The following COL19A1 variants were observed in gnomAD, a reference collection of about 807,000 sequenced individuals.
COL19A1 encodes collagen alpha-1(XIX) chain.
A neutral mutation model predicts 190.2 loss-of-function variants in COL19A1; 159 were observed. That is an observed-to-expected ratio of 0.84 (90% CI 0.73 to 0.95). The LOEUF (loss-of-function observed/expected upper bound fraction) is 0.95, where lower values mean the gene tolerates loss of function less well. COL19A1 is among the 40% of genes least tolerant of loss of function. The pLI is 0.00. For synonymous variants in COL19A1, 509 were observed against 458.9 expected, an observed-to-expected ratio of 1.11 and a Z score of -1.39; for missense variants, 1,418 against 1,431.9, an observed-to-expected ratio of 0.99 and a Z score of 0.16.
At chr6:70,152,580 A>T (rs550380632) in intron 31 of COL19A1, among the ~76,000 whole-genome samples, 1 of 152,142 alleles carries the variant, frequency 6.6e-6, no homozygotes, top group Non-Finnish European at 1.5e-5. Flanking sequence ...ATGCCACTCA[A>T]TATGCCACTT....
chr6:70,050,007 C>A (rs1220734655), intron 14 of COL19A1, among the ~76,000 whole-genome samples: 1 of 152,020 alleles, frequency 6.6e-6, no homozygotes, highest in Non-Finnish European at 1.5e-5. Context: ...TTTTAACAAA[C>A]CAAAAACCCA....
intron 12 of COL19A1, among the ~76,000 whole-genome samples, chr6:70,030,277 T>G (rs1778980574): frequency 6.6e-6 from 1 of 152,130 alleles, no homozygotes; most frequent in African/African-American, 2.4e-5. Flanking sequence ...TGGGATTAAT[T>G]TGTTGGAATT....
At chr6:69,945,021 GTTCT>G (rs1773709295) in intron 9 of COL19A1, among the ~76,000 whole-genome samples, 1 of 151,848 alleles carries the variant, frequency 6.6e-6, no homozygotes. Flanking sequence ...TACTTTCTCA[GTTCT>G]TTAAGACCCT....
At chr6:70,060,672 G>A (rs753016716) in intron 14 of COL19A1, among the ~76,000 whole-genome samples, 94 of 152,106 alleles carry the variant, frequency 6.2e-4, no homozygotes, top group Non-Finnish European at 1.2e-3. Flanking sequence ...ATCACCCCTA[G>A]AAGGGACCGT....
chr6:69,890,625 G>A (rs1769279943), intron 2 of COL19A1: 1 of 152,098 alleles, frequency 6.6e-6, no homozygotes, highest in South Asian at 2.1e-4. Flanking sequence ...TAATTTTTTA[G>A]TATAAGTATG....
At chr6:69,880,974 A>C (rs918844599) in intron 2 of COL19A1, among the ~76,000 whole-genome samples, 4 of 152,212 alleles carry the variant, frequency 2.6e-5, no homozygotes, top group African/African-American at 9.6e-5. Flanking sequence ...CTTTGGTTGA[A>C]TAGGGACAGT....
chr6:70,119,818 C>T (rs1342517807), intron 16 of COL19A1, among the ~76,000 whole-genome samples: 7 of 152,200 alleles, frequency 4.6e-5, no homozygotes, highest in Non-Finnish European at 1.0e-4. Flanking sequence ...TGGCCGGGCC[C>T]GCTGGCTCAC....
intron 4 of COL19A1, among the ~76,000 whole-genome samples, chr6:69,912,199 T>C (rs1329006699): frequency 6.6e-6 from 1 of 152,170 alleles, no homozygotes; most frequent in Non-Finnish European, 1.5e-5. Flanking sequence ...CCCTCACTAA[T>C]GTCCTTCAAG....
chr6:70,035,720 T>C (rs1355683511), intron 13 of COL19A1, among the ~76,000 whole-genome samples, 184 bp from the exon 14 acceptor site: 1 of 152,232 alleles, frequency 6.6e-6, no homozygotes, highest in Non-Finnish European at 1.5e-5. Flanking sequence ...GTGATTTTTA[T>C]ATCATGAAAG....
chr6:70,096,102 G>A (rs1582899404), intron 15 of COL19A1, among the ~76,000 whole-genome samples: 2 of 105,398 alleles, frequency 1.9e-5, no homozygotes, highest in East Asian at 3.0e-4. Flanking sequence ...TTTTTTTTGA[G>A]AGAGGGTCTC....
intron 11 of COL19A1, among the ~76,000 whole-genome samples, chr6:69,976,444 C>T (rs1373846890): frequency 6.6e-6 from 1 of 152,122 alleles, no homozygotes; most frequent in Non-Finnish European, 1.5e-5. Flanking sequence ...ATACTGTGTT[C>T]AGCACTAGGG....
intron 48 of COL19A1, among the ~76,000 whole-genome samples, chr6:70,195,136 G>GATATATAT (rs202055762): frequency 0.019 from 2,609 of 135,860 alleles, 32 homozygotes; most frequent in African/African-American, 0.024. Flanking sequence ...CATCATTGAT[G>GATATATAT]ATATATATAT....
intron 11 of COL19A1, among the ~76,000 whole-genome samples, chr6:70,004,834 CTT>C (rs560885333): frequency 4.4e-4 from 62 of 142,180 alleles, no homozygotes; most frequent in Non-Finnish European, 4.6e-4. Flanking sequence ...GCTCAGCGTA[CTT>C]TTTTTTTTTT....
chr6:70,188,118 G>A lies in COL19A1; in HGVS notation c.2900G>A (p.Arg967Gln), dbSNP rs757943951. 28 of 1,613,632 alleles carry A rather than the reference G, an allele frequency of 1.7e-5. No individual in the cohort carries two copies. Among genetic ancestry groups the A allele is most frequent in the Admixed American group, 8.3e-5 (5 of 59,960 alleles). ...GGAGACAGAGGCTCACAAGGTGAAC[G>A]GGGAAAACCAGGCCTTACAGGCATG... ...IPGDRGSQGE[R>Q]GKPGLTGMKG... Residue 967 changes from arginine (R) to glutamine (Q), a missense_variant, in exon 47 of 51, where the codon CGG becomes CAG. Physicochemically the swap from Arg to Gln is conservative, Grantham distance 43. Transcript: ENST00000620364.
In COL19A1 at chr6:69,924,209, C is replaced by T. The variant is rs144948369; in HGVS notation, c.267-3700C>T. Among the ~76,000 whole-genome samples, 385 of 152,206 alleles carry T rather than the reference C, an allele frequency of 2.5e-3. 4 individuals carry two copies. The highest frequency in any genetic ancestry group is 8.8e-3 in the African/African-American group (364 of 41,514). On this transcript the variant is annotated intron_variant, in intron 4 of 50. Coordinates refer to ENST00000620364, the MANE Select transcript of COL19A1 (RefSeq NM_001858.6). ...TGTTGGTGAGCTGCACCCATTAACT[C>T]GTCATTTACATTAGGTACATCTCCT... is the stretch of plus-strand genomic sequence containing the variant.
Position 70,017,917 on chromosome 6 carries a change from G to A in COL19A1, c.1027-5710G>A, listed in dbSNP as rs923728931. The stretch of plus-strand genomic sequence containing the variant: ...CAATCTGGAGTGAACTGCAGAGTGA[G>A]TGGGAGTAATGAATGCAAACAGGAG... On this transcript the variant is annotated intron_variant, in intron 11 of 50. Coordinates refer to ENST00000620364, the MANE Select transcript of COL19A1 (RefSeq NM_001858.6). 2.7e-4 allele frequency among the ~76,000 whole-genome samples: 41 copies of A among 152,134 alleles called. 1 individual carries two copies. Among genetic ancestry groups the A allele is most frequent in the African/African-American group, 9.4e-4 (39 of 41,444 alleles).
At chr6:69,920,807 G>T (rs1771651152) in intron 4 of COL19A1, among the ~76,000 whole-genome samples, 1 of 150,126 alleles carries the variant, frequency 6.7e-6, no homozygotes. Context: ...AATTTATGTG[G>T]ATAAAATTTT....
At chr6:69,877,570 A>G (rs1389992283) in intron 1 of COL19A1, among the ~76,000 whole-genome samples, 4 of 152,220 alleles carry the variant, frequency 2.6e-5, no homozygotes, top group Non-Finnish European at 4.4e-5. Flanking sequence ...AGTTAAGTTT[A>G]TAGAAAACAT....
At chr6:70,121,504 T>A (rs1784876951) in intron 16 of COL19A1, among the ~76,000 whole-genome samples, 2 of 152,216 alleles carry the variant, frequency 1.3e-5, no homozygotes. Context: ...AACACACAGT[T>A]CTATAGTACA....
Sources: gnomAD v4.1 joint callset for allele counts (sites outside exome capture counted in the v4.1 genomes callset) on GRCh38, gnomAD v4.1.1 for gene constraint, MANE v1.5 for transcripts, NCBI Gene and HGNC (gene_info 2026-07-23, HGNC 2026-07-21) for gene names.